PTHLH: variants seen among roughly 807,000 people sequenced by gnomAD.
The protein encoded by PTHLH is parathyroid hormone like hormone.
A neutral mutation model predicts 18.6 loss-of-function variants in PTHLH; 5 were observed. The ratio of observed to expected loss-of-function variants is 0.27; its 90% CI spans 0.14 to 0.56. PTHLH has a LOEUF of 0.56. Ranked by LOEUF, PTHLH falls within the 20% of genes least tolerant of loss-of-function variation. PTHLH has a pLI of 0.92. For synonymous variants in PTHLH, 90 were observed against 94.0 expected, an observed-to-expected ratio of 0.96 and a Z score of 0.25; for missense variants, 207 against 223.9, an observed-to-expected ratio of 0.92 and a Z score of 0.48.
intron 5 of PTHLH, among the ~76,000 whole-genome samples, chr12:27,960,870 A>G (rs2062747375): frequency 1.3e-5 from 2 of 152,174 alleles, no homozygotes; most frequent in South Asian, 4.1e-4. Flanking sequence ...TATCACTTAT[A>G]AAACTTTAGG....
At chr12:27,961,948 T>C (rs536802898) in intron 5 of PTHLH, 3 of 724,670 alleles carry the variant, frequency 4.1e-6, no homozygotes, top group Admixed American at 3.9e-5. Context: ...ATATGATGTG[T>C]TCTTCTGTTG....
At chr12:27,966,823 A>G (rs2062818484) in intron 4 of PTHLH, among the ~76,000 whole-genome samples, 1 of 152,216 alleles carries the variant, frequency 6.6e-6, no homozygotes. Flanking sequence ...GGGAGTTTTT[A>G]GGGAAGAAGC....
chr12:27,961,351 A>G (rs2062758892), intron 5 of PTHLH, among the ~76,000 whole-genome samples: 1 of 141,120 alleles, frequency 7.1e-6, no homozygotes, highest in Non-Finnish European at 1.5e-5. Flanking sequence ...CCTCATAGAA[A>G]CATATCCCCC....
rs145859057 is a variant in PTHLH, at chr12:27,963,413, A to T, written c.459T>A (p.Thr153=). 2.5e-6 allele frequency: 4 copies of T among 1,614,132 alleles called. 1 individual carries two copies. The highest frequency in any genetic ancestry group is 2.7e-5 in the African/African-American group (2 of 75,014). ...TRSAWLDSGV[T]GSGLEGDHLS... ...GGTGGTCCCCTTCTAGCCCACTCCC[A>T]GTCACTCCAGAGTCTAACCAGGCAG... is the stretch of plus-strand genomic sequence containing the variant. The change falls in exon 5 of 6, where the codon ACT becomes ACA. Residue 153 remains threonine, a synonymous_variant. Transcript: ENST00000545234.
intron 2 of PTHLH, among the ~76,000 whole-genome samples, chr12:27,971,481 A>G (rs2062871289): frequency 6.6e-6 from 1 of 151,952 alleles, no homozygotes; most frequent in African/African-American, 2.4e-5. Flanking sequence ...AGTTTCTAGA[A>G]GGCTAGTGTG....
chr12:27,967,416 T>A (rs1441303054), intron 4 of PTHLH, among the ~76,000 whole-genome samples: 1 of 152,234 alleles, frequency 6.6e-6, no homozygotes, highest in South Asian at 2.1e-4. Context: ...TAAAGCAGTT[T>A]CCCTAATACT....
At chr12:27,958,590 A>G (rs774716069) in intron 5 of PTHLH, 22 bp from the exon 6 acceptor site, 3 of 1,560,098 alleles carry the variant, frequency 1.9e-6, no homozygotes, top group South Asian at 2.4e-5. Context: ...AGGAAGAGAA[A>G]GAAAAGGAGA....
chr12:27,962,692 A>G, intron 5 of PTHLH: 1 of 984,106 alleles, frequency 1.0e-6, no homozygotes, highest in Non-Finnish European at 1.2e-6. Flanking sequence ...TTGTAAGTTA[A>G]TACTTAAACA....
chr12:27,969,444 G>T lies in PTHLH; in HGVS notation c.51C>A (p.Ser17Arg). 6.3e-7 allele frequency: 1 copy of T among 1,595,550 alleles called. No individual in the cohort carries two copies. Residue 17 changes from serine (S) to arginine (R), a missense_variant, in exon 4 of 6, where the codon AGC becomes AGA. Physicochemically the swap from Ser to Arg is moderately radical, Grantham distance 110. Coordinates refer to ENST00000545234, the MANE Select transcript of PTHLH (RefSeq NM_198965.2). Reference sequence around the variant, plus strand: ...AGCGCCCGCAGGAGGGCACCGCGTAGCTCAGCAGGAACACCGCGACGCTCC... The same window carrying T: ...AGCGCCCGCAGGAGGGCACCGCGTATCTCAGCAGGAACACCGCGACGCTCC... ...QQWSVAVFLL[S>R]YAVPSCGRSV...
In PTHLH at chr12:27,963,405, C is replaced by A. The variant is rs1176373032; in HGVS notation, c.467G>T (p.Gly156Val). The change falls in exon 5 of 6, where the codon GGG (glycine) becomes GTG (valine). Residue 156 changes from glycine to valine, a missense_variant. Physicochemically the swap from Gly to Val is moderately radical, Grantham distance 109. Transcript: ENST00000545234. ...AWLDSGVTGS[G>V]LEGDHLSDTS... ...GTCAGACAGGTGGTCCCCTTCTAGC[C>A]CACTCCCAGTCACTCCAGAGTCTAA... The A allele has an allele frequency of 1.2e-6, 2 of 1,614,146 alleles. No homozygotes were observed. Among genetic ancestry groups the A allele is most frequent in the South Asian group, 2.2e-5 (2 of 91,084 alleles).
At chr12:27,969,212 C>G in intron 4 of PTHLH, 182 bp downstream of exon 4, 4 of 607,186 alleles carry the variant, frequency 6.6e-6, no homozygotes, top group Non-Finnish European at 8.8e-6. Flanking sequence ...GAAGATCAAC[C>G]AGTTCTCCTG....
rs144433870 is a variant in PTHLH at position 27,959,324 on chromosome 12, G to A, written c.525-756C>T. On this transcript the variant is annotated intron_variant, in intron 5 of 5. Transcript: ENST00000545234. ...CATTGGGAAAGTCTACTGTAAATGC[G>A]GGAATAATTAAGAATAAATTAATTT... is the stretch of plus-strand genomic sequence containing the variant. Among the ~76,000 whole-genome samples, 396 of 152,176 alleles carry A rather than the reference G, an allele frequency of 2.6e-3. 2 individuals are homozygous for A. The highest frequency in any genetic ancestry group is 9.1e-3 in the African/African-American group (377 of 41,516).
intron 5 of PTHLH, among the ~76,000 whole-genome samples, chr12:27,960,449 G>A (rs567308104): frequency 5.3e-5 from 8 of 152,130 alleles, no homozygotes; most frequent in African/African-American, 9.6e-5. Context: ...ATTATTGGCC[G>A]GTGTGGTGGT....
At chr12:27,959,204 C>T (rs192273844) in intron 5 of PTHLH, among the ~76,000 whole-genome samples, 11 of 152,248 alleles carry the variant, frequency 7.2e-5, no homozygotes, top group Admixed American at 4.6e-4. Flanking sequence ...ATGAATGAAA[C>T]TATTATTGGA....
Position 27,963,607 on chromosome 12 carries a change from T to C in PTHLH, c.265A>G (p.Lys89Glu). 1 of 1,614,142 alleles carries C rather than the reference T, an allele frequency of 6.2e-7. No individual in the cohort carries two copies. The highest frequency in any genetic ancestry group is 2.2e-5 in the East Asian group (1 of 44,876). Residue 89 changes from lysine to glutamate, a missense_variant, in exon 5 of 6, where the codon AAG becomes GAG. Coordinates refer to ENST00000545234, the MANE Select transcript of PTHLH (RefSeq NM_198965.2). ...SPNSKPSPNT[K>E]NHPVRFGSDD... ...GACCCAAATCGGACGGGGTGGTTCT[T>C]TGTGTTGGGAGAGGGCTTGGAGTTA...
At chr12:27,961,301 G>GTATATATATATATGTATA (rs2062754176) in intron 5 of PTHLH, among the ~76,000 whole-genome samples, 2 of 84,544 alleles carry the variant, frequency 2.4e-5, no homozygotes, top group East Asian at 6.4e-4. Context: ...ATATATATAC[G>GTATATATATATATGTATA]TATATATATA....
chr12:27,961,906 G>A (rs1309383069), intron 5 of PTHLH: 2 of 714,354 alleles, frequency 2.8e-6, no homozygotes, highest in Non-Finnish European at 5.0e-6. Flanking sequence ...AGAAGTAACA[G>A]GGGACTCTTA....
chr12:27,963,316 C>T, intron 5 of PTHLH, 32 bp downstream of exon 5: 2 of 1,614,100 alleles, frequency 1.2e-6, no homozygotes, highest in East Asian at 2.2e-5. Flanking sequence ...GAGAGCACCC[C>T]GCTGAGGCTA....
At chr12:27,962,022 T>G in intron 5 of PTHLH, 1 of 653,594 alleles carries the variant, frequency 1.5e-6, no homozygotes, top group Non-Finnish European at 2.7e-6. Flanking sequence ...GAAAAAAAAA[T>G]CATTTCAATG....
Sources: allele counts gnomAD v4.1 joint callset (sites outside exome capture counted in the v4.1 genomes callset), GRCh38; gene constraint gnomAD v4.1.1; transcripts MANE v1.5; gene names NCBI Gene and HGNC (gene_info 2026-07-23, HGNC 2026-07-21).